The following HNRNPL variants were observed in gnomAD, a reference collection of about 807,000 sequenced individuals.
HNRNPL encodes the protein epididymis secretory sperm binding protein.
In HNRNPL, 12 loss-of-function variants were observed where a neutral mutation model predicts 64.0. That is an observed-to-expected ratio of 0.19 (90% CI 0.12 to 0.30). The LOEUF is 0.30. HNRNPL is among the 10% of genes least tolerant of loss of function. HNRNPL has a pLI of 1.00. For synonymous variants in HNRNPL, 385 were observed against 313.0 expected (o/e 1.23, Z -2.43); for missense variants, 484 against 797.4 (o/e 0.61, Z 4.73).
intron 4 of HNRNPL, 141 bp downstream of exon 4, chr19:38,845,509 G>C: frequency 1.4e-6 from 1 of 697,740 alleles, no homozygotes; most frequent in South Asian, 1.7e-5. Context: ...TCCCTACTCA[G>C]TCACTGGGCT....
rs761908992 is a variant in HNRNPL at position 38,847,300 on chromosome 19, C to T, written c.386+16G>A. 1.5e-6 allele frequency: 2 copies of T among 1,341,938 alleles called. No individual in the cohort carries two copies. Among genetic ancestry groups the T allele is most frequent in the South Asian group, 3.3e-5 (2 of 60,828 alleles). 83.1% of individuals were successfully genotyped at this position (1,341,938 alleles called of 1,614,324 possible). ...TCAACTTTGGAAGCCCAACACCTGG[C>T]CTCTGAGCCCAGTACCTGATGGGTC... On this transcript the variant is annotated intron_variant, in intron 2 of 12. Coordinates refer to ENST00000221419, the MANE Select transcript of HNRNPL (RefSeq NM_001533.3).
intron 6 of HNRNPL, chr19:38,843,418 A>AT (rs1471331028): frequency 5.0e-6 from 1 of 199,534 alleles, no homozygotes; most frequent in Non-Finnish European, 1.0e-5. Flanking sequence ...AGGAGACCTC[A>AT]TCGCCCCCCA....
chr19:38,850,370 T>A (rs941358965), upstream of HNRNPL: 1 of 182,662 alleles, frequency 5.5e-6, no homozygotes, highest in East Asian at 1.4e-4. Flanking sequence ...ATGACGACCT[T>A]CCCGCGCCAC....
Position 38,849,700 on chromosome 19 carries a change from C to CGCA in HNRNPL, c.266_267insTGC (p.Gly89_Glu90insAla). 1 of 1,359,504 alleles carries CGCA rather than the reference C, an allele frequency of 7.4e-7. No homozygotes were observed. The highest frequency in any genetic ancestry group is 9.4e-7 in the Non-Finnish European group (1 of 1,066,134). The allele number at this position is 1,359,504 out of a possible 1,614,324, so 84.2% of individuals were successfully genotyped here. A position where few individuals can be genotyped will look rare whatever the true frequency, so the allele number is the denominator to read the frequency against. ...CCAGCGCCTAGGGCCCTGGCCTCAC[C>CGCA]CCACCGCCGCCGCCGCCCGCCGCCC... On this transcript the variant is annotated inframe_insertion and splice_region_variant, in exon 1 of 13. Coordinates refer to ENST00000221419, the MANE Select transcript of HNRNPL (RefSeq NM_001533.3).
At chr19:38,843,701 T>TC (rs1438686759) in intron 6 of HNRNPL, 141 bp downstream of exon 6, 1 of 677,688 alleles carries the variant, frequency 1.5e-6, no homozygotes, top group African/African-American at 1.8e-5. Flanking sequence ...CACTAGGGTG[T>TC]CCAAGTGCTG....
chr19:38,851,920 C>G (rs1442237561), upstream of HNRNPL, among the ~76,000 whole-genome samples: 3 of 151,942 alleles, frequency 2.0e-5, no homozygotes, highest in East Asian at 5.8e-4. Context: ...GAGACGGGGG[C>G]GGGGCCGCGT....
chr19:38,840,583 G>A (rs1414603301), intron 6 of HNRNPL, 24 bp from the exon 7 acceptor site: 2 of 1,554,644 alleles, frequency 1.3e-6, no homozygotes, highest in African/African-American at 1.4e-5. Context: ...AAACAGTTAG[G>A]AGTCTCACTC....
chr19:38,849,418 C>T lies in HNRNPL; in HGVS notation c.267+282G>A, dbSNP rs1277356684. The T allele has an allele frequency of 8.0e-6, 3 of 372,886 alleles. No individual in the cohort carries two copies. In the Admixed American group the frequency reaches 1.4e-4, roughly 17 times the overall value. The allele number at this position is 372,886 out of a possible 1,614,324, so 23.1% of individuals were successfully genotyped here. ...AAAACCGGCCGGGCCGCGTGCCCGG[C>T]CCCCACACGCCAGCCCGCGGCGCCT... On this transcript the variant is annotated intron_variant, in intron 1 of 12. Coordinates refer to ENST00000221419, the MANE Select transcript of HNRNPL (RefSeq NM_001533.3).
chr19:38,843,308 T>A (rs745434140), intron 6 of HNRNPL: 1 of 156,018 alleles, frequency 6.4e-6, no homozygotes, highest in African/African-American at 2.4e-5. Flanking sequence ...AGATGTTGCG[T>A]CCCCTCTACA....
At chr19:38,839,185 G>T in intron 8 of HNRNPL, 170 bp from the exon 9 acceptor site, 2 of 714,718 alleles carry the variant, frequency 2.8e-6, no homozygotes, top group South Asian at 1.8e-5. Flanking sequence ...AACCCATAGT[G>T]AGAAGCAGAG....
chr19:38,843,667 T>C, intron 6 of HNRNPL, 175 bp downstream of exon 6: 1 of 614,870 alleles, frequency 1.6e-6, no homozygotes, highest in South Asian at 2.0e-5. Flanking sequence ...TGAAGACCCA[T>C]GGAGGCCTCT....
upstream of HNRNPL, among the ~76,000 whole-genome samples, chr19:38,851,495 TAAAAG>T (rs1568378294): frequency 6.6e-6 from 1 of 151,978 alleles, no homozygotes; most frequent in Non-Finnish European, 1.5e-5. Context: ...GGAAAAGAAA[TAAAAG>T]CGAAGCTAGC....
intron 6 of HNRNPL, chr19:38,841,639 C>T (rs1256350448): frequency 7.8e-7 from 1 of 1,284,992 alleles, no homozygotes; most frequent in East Asian, 5.6e-5. Flanking sequence ...AGTGAGTTAG[C>T]ACAGTTCTGA....
intron 3 of HNRNPL, 34 bp downstream of exon 3, chr19:38,845,819 G>A (rs927170327): frequency 2.5e-6 from 4 of 1,600,330 alleles, no homozygotes; most frequent in Admixed American, 1.7e-5. Context: ...GAAAAGGAAG[G>A]GAGACCTCAC....
rs777019134 is a variant in HNRNPL at position 38,840,294 on chromosome 19, C to T, written c.1035G>A (p.Met345Ile). 1.9e-6 allele frequency: 3 copies of T among 1,571,352 alleles called. No individual in the cohort carries two copies. The highest frequency in any genetic ancestry group is 2.6e-6 in the Non-Finnish European group (3 of 1,158,486). ...PPPPHYEGRR[M>I]GPPVGGHRRG... ...GACGGTGACCCCCCACTGGTGGACC[C>T]ATCCTTCTCCCTTCGTAGTGAGGTG... is the stretch of plus-strand genomic sequence containing the variant. Residue 345 changes from methionine (M) to isoleucine (I), a missense_variant, in exon 8 of 13, where the codon ATG becomes ATA. Coordinates refer to ENST00000221419, the MANE Select transcript of HNRNPL (RefSeq NM_001533.3).
chr19:38,850,137 C>T (rs1019623815), upstream of HNRNPL: 1 of 512,632 alleles, frequency 2.0e-6, no homozygotes, highest in Non-Finnish European at 3.3e-6. Context: ...CAGGAGGGCC[C>T]GCCCTTGTTT....
upstream of HNRNPL, chr19:38,850,920 G>GT (rs1972488126): frequency 6.6e-6 from 1 of 152,244 alleles, no homozygotes; most frequent in South Asian, 2.1e-4. Context: ...TGCCCATGCA[G>GT]TCCCTTCCAC....
chr19:38,841,873 ACCT>A, intron 6 of HNRNPL: 1 of 372,232 alleles, frequency 2.7e-6, no homozygotes, highest in Non-Finnish European at 5.3e-6. Context: ...CCATGTTGTC[ACCT>A]CCTCACATAT....
At chr19:38,849,323 C>T (rs1374633130) in intron 1 of HNRNPL, 2 of 208,290 alleles carry the variant, frequency 9.6e-6, no homozygotes, top group African/African-American at 4.6e-5. Flanking sequence ...GCTCCCCTAA[C>T]CGCCCACGAG....
Sources: allele counts gnomAD v4.1 joint callset (sites outside exome capture counted in the v4.1 genomes callset), GRCh38; gene constraint gnomAD v4.1.1; transcripts MANE v1.5; gene names NCBI Gene and HGNC (gene_info 2026-07-23, HGNC 2026-07-21).